COQ8B: variants seen among roughly 807,000 people sequenced by gnomAD.
COQ8B encodes the protein atypical kinase COQ8B, mitochondrial.
In COQ8B, 44 loss-of-function variants were observed where a neutral mutation model predicts 62.0. That is an observed-to-expected ratio of 0.71 (90% CI 0.56 to 0.91). The LOEUF is 0.91. Ranked by LOEUF, COQ8B falls within the 40% of genes least tolerant of loss-of-function variation. COQ8B has a pLI of 0.00. For synonymous variants in COQ8B, 252 were observed against 289.9 expected (o/e 0.87, Z 1.33); for missense variants, 649 against 731.6 (o/e 0.89, Z 1.30).
chr19:40,714,281 G>C lies in COQ8B; in HGVS notation c.219C>G (p.Pro73=). The change falls in exon 3 of 15, where the codon CCC becomes CCG. Residue 73 remains proline (P), a synonymous_variant. Coordinates refer to ENST00000324464, the MANE Select transcript of COQ8B (RefSeq NM_024876.4). The part of the protein sequence containing the change: ...REARPRKTPR[P]QLSDRSRERK... Reference sequence around the variant, plus strand: ...GGGTGGGTGGGGGTAATGATACCTGGGGCCGGGGTGTCTTCCTGGGACGGG... The same window carrying C: ...GGGTGGGTGGGGGTAATGATACCTGCGGCCGGGGTGTCTTCCTGGGACGGG... The C allele has an allele frequency of 6.2e-7, 1 of 1,612,066 alleles. No individual in the cohort carries two copies. Among genetic ancestry groups the C allele is most frequent in the Non-Finnish European group, 8.5e-7 (1 of 1,178,922 alleles).
chr19:40,699,105 T>A (rs973778475), intron 12 of COQ8B, among the ~76,000 whole-genome samples: 9 of 151,574 alleles, frequency 5.9e-5, no homozygotes, highest in Admixed American at 5.9e-4. Context: ...TGAGCCACCA[T>A]GCTCAGCCTC....
chr19:40,700,298 C>T lies in COQ8B; in HGVS notation c.1035+12G>A. ...GGCCATGCCCTTCCCACTGTGCCAC[C>T]AGACAGCATACCTGGTTCCGCAGGT... is the stretch of plus-strand genomic sequence containing the variant. On this transcript the variant is annotated intron_variant, in intron 11 of 14. Coordinates refer to ENST00000324464, the MANE Select transcript of COQ8B (RefSeq NM_024876.4). 11 of 1,612,610 alleles carry T rather than the reference C, an allele frequency of 6.8e-6. No individual in the cohort carries two copies. The highest frequency in any genetic ancestry group is 9.3e-6 in the Non-Finnish European group (11 of 1,178,918).
In COQ8B at chr19:40,691,836, T is replaced by TG; in HGVS notation, c.*198dup. On this transcript the variant is annotated 3_prime_UTR_variant, in exon 15 of 15. Transcript: ENST00000324464. ...TAGTTTTCGGATACCCACTTTCGAGTGGGGAGGTGCAGGATCTAGGGCACG... is the reference window on the plus strand; with the variant it reads ...TAGTTTTCGGATACCCACTTTCGAGTGGGGGAGGTGCAGGATCTAGGGCACG... 1 of 435,900 alleles carries TG rather than the reference T, an allele frequency of 2.3e-6. No individual in the cohort carries two copies. The highest frequency in any genetic ancestry group is 4.0e-6 in the Non-Finnish European group (1 of 252,364). The allele number at this position is 435,900 out of a possible 1,614,324, so 27.0% of individuals were successfully genotyped here.
chr19:40,692,928 T>C (rs1242840727), intron 14 of COQ8B, 23 bp downstream of exon 14: 9 of 1,608,686 alleles, frequency 5.6e-6, no homozygotes, highest in African/African-American at 1.3e-5. Context: ...CACCAGCCCC[T>C]TTCTCCCCCA....
intron 4 of COQ8B, among the ~76,000 whole-genome samples, chr19:40,712,609 A>G (rs2082151137): frequency 6.6e-6 from 1 of 151,910 alleles, no homozygotes; most frequent in Admixed American, 6.6e-5. Flanking sequence ...CAAAAACAAA[A>G]CTTGAACCAT....
In COQ8B at chr19:40,700,445, C is replaced by A. The variant is rs936723454; in HGVS notation, c.900G>T (p.Leu300=). 1 of 1,613,048 alleles carries A rather than the reference C, an allele frequency of 6.2e-7. No homozygotes were observed. The highest frequency in any genetic ancestry group is 1.3e-5 in the African/African-American group (1 of 74,940). Residue 300 remains leucine, a synonymous_variant, in exon 11 of 15, where the codon CTG becomes CTT. Coordinates refer to ENST00000324464, the MANE Select transcript of COQ8B (RefSeq NM_024876.4). ...EAACAQNFRQ[L]LANDPFFRVP... ...CCCGGAAGAAGGGGTCATTTGCCAG[C>A]AGCTGCCTGGGGCAGAAGGAAAGGG...
At chr19:40,694,440 C>A (rs1206859245) in intron 13 of COQ8B, among the ~76,000 whole-genome samples, 2 of 152,236 alleles carry the variant, frequency 1.3e-5, no homozygotes, top group African/African-American at 4.8e-5. Context: ...CCTCTAAAAT[C>A]CGCAGTGATT....
At position 40,691,693 on chromosome 19, in the gene COQ8B, C is replaced by A. The variant is rs1316296446; in HGVS notation, c.*342G>T. 1.5e-5 allele frequency: 3 copies of A among 200,242 alleles called. No homozygotes were observed. Among genetic ancestry groups the A allele is most frequent in the Non-Finnish European group, 3.0e-5 (3 of 99,778 alleles). The allele number at this position is 200,242 out of a possible 1,614,324, so 12.4% of individuals were successfully genotyped here. On this transcript the variant is annotated 3_prime_UTR_variant, in exon 15 of 15. Transcript: ENST00000324464. ...GCCTCCAGGACCATCTCGCCTTCCA[C>A]GGGAGGCTTGAGGCAGAGGTGAGGG...
At chr19:40,704,200 A>C (rs1302683783) in intron 7 of COQ8B, 3 of 182,880 alleles carry the variant, frequency 1.6e-5, no homozygotes, top group African/African-American at 8.3e-5. Flanking sequence ...CCCAGGCTGG[A>C]GTGTAGTGGC....
chr19:40,697,458 T>C (rs1005827176), intron 12 of COQ8B, among the ~76,000 whole-genome samples: 3 of 152,156 alleles, frequency 2.0e-5, no homozygotes, highest in Non-Finnish European at 4.4e-5. Flanking sequence ...AGAATGTTTC[T>C]AGGGCAGTAG....
At chr19:40,715,641 T>TC (rs2082179877) in intron 1 of COQ8B, 4 of 973,416 alleles carry the variant, frequency 4.1e-6, no homozygotes, top group Non-Finnish European at 3.7e-6. Flanking sequence ...GTACATACCC[T>TC]CCCCCCCACT....
intron 4 of COQ8B, 35 bp from the exon 5 acceptor site, chr19:40,710,171 G>T (rs375763337): frequency 5.6e-6 from 9 of 1,600,966 alleles, no homozygotes; most frequent in Non-Finnish European, 7.7e-6. Flanking sequence ...GTGCCCGTTT[G>T]CCTGGGGTGC....
At chr19:40,716,390 G>T (rs2082185151) in intron 1 of COQ8B, among the ~76,000 whole-genome samples, 197 bp downstream of exon 1, 2 of 152,166 alleles carry the variant, frequency 1.3e-5, no homozygotes, top group Admixed American at 6.5e-5. Flanking sequence ...GGGGCCACAT[G>T]CTTCACATAC....
chr19:40,702,530 T>C, intron 10 of COQ8B, 70 bp downstream of exon 10: 1 of 1,461,116 alleles, frequency 6.8e-7, no homozygotes, highest in Middle Eastern at 1.7e-4. Context: ...TGCCAGAAGC[T>C]GAGGGGGCAG....
intron 13 of COQ8B, among the ~76,000 whole-genome samples, chr19:40,695,572 G>A (rs1045504470): frequency 6.6e-6 from 1 of 152,074 alleles, no homozygotes; most frequent in East Asian, 1.9e-4. Flanking sequence ...ACAGCATGGG[G>A]TCTGGAGAGG....
chr19:40,710,491 C>T (rs970273243), intron 4 of COQ8B, among the ~76,000 whole-genome samples: 1 of 152,152 alleles, frequency 6.6e-6, no homozygotes, highest in Admixed American at 6.5e-5. Context: ...CTCAGGTGAT[C>T]CTCCCGCCTC....
intron 5 of COQ8B, among the ~76,000 whole-genome samples, chr19:40,707,385 A>G (rs536210067): frequency 6.6e-6 from 1 of 150,582 alleles, no homozygotes; most frequent in Non-Finnish European, 1.5e-5. Flanking sequence ...AGATTTTCCT[A>G]TTTTGTACAT....
rs183955699 is a variant in COQ8B at position 40,692,897 on chromosome 19, C to A, written c.1296+54G>T. On this transcript the variant is annotated intron_variant, in intron 14 of 14. Coordinates refer to ENST00000324464, the MANE Select transcript of COQ8B (RefSeq NM_024876.4). ...TTCCTCAGTGGAGATAAGCAGCCCC[C>A]CACTGCACCCCACCAACAGACACCA... The A allele has an allele frequency of 8.1e-5, 124 of 1,531,584 alleles. No individual in the cohort carries two copies. In the African/African-American group the frequency reaches 1.4e-3, roughly 17 times the overall value. The allele number at this position is 1,531,584 out of a possible 1,614,324, so 94.9% of individuals were successfully genotyped here.
rs139202966 is a variant in COQ8B at position 40,703,741 on chromosome 19, C to T, written c.691G>A (p.Gly231Arg). 1.2e-4 allele frequency: 189 copies of T among 1,614,014 alleles called. No homozygotes were observed. Among genetic ancestry groups the T allele is most frequent in the African/African-American group, 1.6e-4 (12 of 74,944 alleles). ...GQVHQGLLRD[G>R]TEVAVKIQYP... ...TGGATCTTCACGGCCACCTCCGTCC[C>T]GTCCCTCAGCAGGCCCTGGTGCACC... The change falls in exon 8 of 15, where the codon GGG becomes AGG. Residue 231 changes from glycine to arginine, a missense_variant. Transcript: ENST00000324464.
Sources: gnomAD v4.1 joint callset for allele counts (sites outside exome capture counted in the v4.1 genomes callset) on GRCh38, gnomAD v4.1.1 for gene constraint, MANE v1.5 for transcripts, NCBI Gene and HGNC (gene_info 2026-07-23, HGNC 2026-07-21) for gene names.